ANKS6: variants seen among roughly 807,000 people sequenced by gnomAD.
ANKS6 encodes ankyrin repeat and SAM domain-containing protein 6.
A neutral mutation model predicts 77.9 loss-of-function variants in ANKS6; 47 were observed. The observed-to-expected ratio is 0.60, with a 90% CI of 0.48 to 0.77. The LOEUF is 0.77. ANKS6 is among the 30% of genes least tolerant of loss of function. The pLI, the probability that ANKS6 is intolerant of heterozygous loss-of-function variation, is 0.00. For synonymous variants in ANKS6, 488 were observed against 501.7 expected (o/e 0.97, Z 0.37); for missense variants, 1,150 against 1,159.1 (o/e 0.99, Z 0.11).
intron 14 of ANKS6, among the ~76,000 whole-genome samples, chr9:98,745,111 GACT>G (rs1832048191): frequency 3.9e-5 from 6 of 152,218 alleles, no homozygotes; most frequent in Admixed American, 3.3e-4. Context: ...CGACAATAGT[GACT>G]GACGGCTCTC....
At position 98,751,201 on chromosome 9, in the gene ANKS6, A is replaced by C. The variant is rs79497996; in HGVS notation, c.2327-105T>G. On this transcript the variant is annotated intron_variant, in intron 12 of 14. Coordinates refer to ENST00000353234, the MANE Select transcript of ANKS6 (RefSeq NM_173551.5). ...GTAATCTTATTTCAAATGAAATTCT[A>C]TAAGAAACACCAACACAGAAAGCTG... 8.7e-6 allele frequency: 8 copies of C among 923,278 alleles called. No individual in the cohort carries two copies. The East Asian group carries it at 2.0e-4, about 23-fold the overall frequency. 57.2% of individuals were successfully genotyped at this position (923,278 alleles called of 1,614,324 possible). A position where few individuals can be genotyped will look rare whatever the true frequency, so the allele number is the denominator to read the frequency against.
intron 1 of ANKS6, among the ~76,000 whole-genome samples, chr9:98,794,138 G>A (rs1376364463): frequency 2.0e-5 from 2 of 99,586 alleles, no homozygotes; most frequent in Non-Finnish European, 3.7e-5. Context: ...GACAGAGCGA[G>A]ACTCCGTCTC....
At position 98,790,365 on chromosome 9, in the gene ANKS6, G is replaced by A. The variant is rs1287031231; in HGVS notation, c.601C>T (p.His201Tyr). 1.2e-6 allele frequency: 2 copies of A among 1,613,528 alleles called. No individual in the cohort carries two copies. ...DITALMAAIQ[H>Y]GHEAVVRLLM... ...AGACGCACCACGGCCTCGTGCCCGT[G>A]CTGGATGGCAGCCATCAGGGCTGTG... is the stretch of plus-strand genomic sequence containing the variant. The change falls in exon 2 of 15, where the codon CAC becomes TAC. Residue 201 changes from histidine (H) to tyrosine (Y), a missense_variant. His to Tyr is a moderately conservative substitution (Grantham distance 83). Coordinates refer to ENST00000353234, the MANE Select transcript of ANKS6 (RefSeq NM_173551.5).
chr9:98,745,307 G>A lies in ANKS6; in HGVS notation c.2511+252C>T, dbSNP rs532629476. 4.6e-3 allele frequency among the ~76,000 whole-genome samples: 707 copies of A among 152,312 alleles called. 10 individuals are homozygous for A. The highest frequency in any genetic ancestry group is 0.016 in the African/African-American group (659 of 41,574). On this transcript the variant is annotated intron_variant, in intron 14 of 14. Coordinates refer to ENST00000353234, the MANE Select transcript of ANKS6 (RefSeq NM_173551.5). ...CAGGGCCTGTTTGAGCCAAAGGCTCGAAGGCTCTGCTTTCACAGTGCTCCC... is the reference window on the plus strand; with the variant it reads ...CAGGGCCTGTTTGAGCCAAAGGCTCAAAGGCTCTGCTTTCACAGTGCTCCC...
Position 98,780,249 on chromosome 9 carries a change from G to C in ANKS6, c.1308C>G (p.His436Gln). ...GRPSHQPPLPHSKVRQPWSIP... is the reference protein window; with the variant it reads ...GRPSHQPPLPQSKVRQPWSIP... Reference sequence around the variant, plus strand: ...TGCTCCAGGGCTGTCGGACCTTCGAGTGGGGCAGGGGAGGCTGGTGGCTCG... The same window carrying C: ...TGCTCCAGGGCTGTCGGACCTTCGACTGGGGCAGGGGAGGCTGGTGGCTCG... Residue 436 changes from histidine to glutamine, a missense_variant, in exon 6 of 15, where the codon CAC becomes CAG. Transcript: ENST00000353234. 6.2e-7 allele frequency: 1 copy of C among 1,613,992 alleles called. No homozygotes were observed. The highest frequency in any genetic ancestry group is 8.5e-7 in the Non-Finnish European group (1 of 1,179,988).
intron 2 of ANKS6, among the ~76,000 whole-genome samples, chr9:98,787,408 C>T (rs187776099): frequency 6.6e-6 from 1 of 151,442 alleles, no homozygotes; most frequent in East Asian, 1.9e-4. Context: ...GCACTTACCA[C>T]CTATCCTACT....
chr9:98,738,540 C>T (rs190484018), intron 14 of ANKS6, among the ~76,000 whole-genome samples: 12 of 151,182 alleles, frequency 7.9e-5, no homozygotes, highest in African/African-American at 2.7e-4. Context: ...AATGTGGTAC[C>T]ACCTTACTCC....
At chr9:98,777,299 C>T in intron 8 of ANKS6, 106 bp downstream of exon 8, 1 of 1,242,508 alleles carries the variant, frequency 8.0e-7, no homozygotes, top group African/African-American at 1.5e-5. Context: ...CCAACCCTAT[C>T]TGTGACCACT....
Position 98,777,388 on chromosome 9 carries a change from A to G in ANKS6, c.1617+17T>C, listed in dbSNP as rs767371665. The G allele has an allele frequency of 1.2e-5, 19 of 1,613,746 alleles. No homozygotes were observed. In the East Asian group the frequency reaches 3.3e-4, roughly 28 times the overall value. ...TGCCGGAGACCTAAAATGCTTTTAG[A>G]AAAGCCCCACACTCACCATGGTTGT... is the stretch of plus-strand genomic sequence containing the variant. On this transcript the variant is annotated intron_variant, in intron 8 of 14. Transcript: ENST00000353234.
At chr9:98,787,026 G>A (rs1014415336) in intron 2 of ANKS6, among the ~76,000 whole-genome samples, 5 of 152,196 alleles carry the variant, frequency 3.3e-5, no homozygotes, top group African/African-American at 1.2e-4. Flanking sequence ...CCTCAGTGGG[G>A]AGTCAGAGGT....
In ANKS6 at chr9:98,732,896, G is replaced by A. The variant is rs1261131063; in HGVS notation, c.*3623C>T. 9.9e-6 allele frequency: 11 copies of A among 1,109,294 alleles called. No homozygotes were observed. The highest frequency in any genetic ancestry group is 5.4e-5 in the South Asian group (2 of 37,254). The allele number at this position is 1,109,294 out of a possible 1,614,324, so 68.7% of individuals were successfully genotyped here. On this transcript the variant is annotated 3_prime_UTR_variant, in exon 15 of 15. Transcript: ENST00000353234. ...TGACGATCTAGAACTTACACATTAC[G>A]TGCTGCCTTTGCACATGCCCCAGCT...
Position 98,737,158 on chromosome 9 carries a change from G to A in ANKS6, c.2512-535C>T, listed in dbSNP as rs576406704. Among the ~76,000 whole-genome samples, 3 of 152,280 alleles carry A rather than the reference G, an allele frequency of 2.0e-5. No individual in the cohort carries two copies. In the South Asian group the frequency reaches 6.2e-4, roughly 32 times the overall value. On this transcript the variant is annotated intron_variant, in intron 14 of 14. Transcript: ENST00000353234. ...ACACATTTTCAGATGAGAAAAGAGG[G>A]TGGATGTGAATGTTCTGTTAAGCCC...
chr9:98,742,115 G>A (rs1237476591), intron 14 of ANKS6, among the ~76,000 whole-genome samples: 3 of 152,182 alleles, frequency 2.0e-5, no homozygotes, highest in East Asian at 1.9e-4. Context: ...GGGCCTCCCC[G>A]TCTCATGTGT....
intron 14 of ANKS6, 117 bp downstream of exon 14, chr9:98,745,442 G>A: frequency 1.1e-6 from 1 of 922,384 alleles, no homozygotes; most frequent in South Asian, 1.5e-5. Context: ...ATGCTGGGAG[G>A]TAGTGAGTGC....
In ANKS6 at chr9:98,773,900, C is replaced by A; in HGVS notation, c.1798G>T (p.Val600Leu). 1 of 1,572,778 alleles carries A rather than the reference C, an allele frequency of 6.4e-7. No homozygotes were observed. Among genetic ancestry groups the A allele is most frequent in the Non-Finnish European group, 8.6e-7 (1 of 1,165,082 alleles). ...LPQRASRGHP[V>L]GGGGTDTTPV... Reference sequence around the variant, plus strand: ...ACAGTGTCTGTGCCCCCGCCGCCCACGGGGTGGCCCCTGCTGGCTCTCTGG... The same window carrying A: ...ACAGTGTCTGTGCCCCCGCCGCCCAAGGGGTGGCCCCTGCTGGCTCTCTGG... Residue 600 changes from valine to leucine, a missense_variant, in exon 9 of 15, where the codon GTG (valine) becomes TTG (leucine). Physicochemically the swap from Val to Leu is conservative, Grantham distance 32. Transcript: ENST00000353234.
intron 10 of ANKS6, 131 bp from the exon 11 acceptor site, chr9:98,768,381 CAGG>C: frequency 9.2e-7 from 1 of 1,081,412 alleles, no homozygotes. Context: ...GGCTCCAGGA[CAGG>C]ACTGACCACA....
chr9:98,777,301 G>T, intron 8 of ANKS6, 104 bp downstream of exon 8: 1 of 1,266,588 alleles, frequency 7.9e-7, no homozygotes, highest in Non-Finnish European at 1.1e-6. Context: ...AACCCTATCT[G>T]TGACCACTAC....
In ANKS6 at chr9:98,736,502, G is replaced by C. The variant is rs373305795; in HGVS notation, c.*17C>G. 6.3e-7 allele frequency: 1 copy of C among 1,598,052 alleles called. No individual in the cohort carries two copies. The highest frequency in any genetic ancestry group is 1.3e-5 in the African/African-American group (1 of 74,604). ...CGGGATTCAGAGAGCTCACGCTGGTGGCTGCGGGAAGGAGGATCACGCACA... is the reference window on the plus strand; with the variant it reads ...CGGGATTCAGAGAGCTCACGCTGGTCGCTGCGGGAAGGAGGATCACGCACA... On this transcript the variant is annotated 3_prime_UTR_variant, in exon 15 of 15. Transcript: ENST00000353234.
At chr9:98,749,103 A>G (rs113642566) in intron 13 of ANKS6, among the ~76,000 whole-genome samples, 3 of 152,212 alleles carry the variant, frequency 2.0e-5, no homozygotes, top group Non-Finnish European at 4.4e-5. Flanking sequence ...TTGTGGGTCC[A>G]TATAGAGAGT....
Sources: allele counts gnomAD v4.1 joint callset (sites outside exome capture counted in the v4.1 genomes callset), GRCh38; gene constraint gnomAD v4.1.1; transcripts MANE v1.5; gene names NCBI Gene and HGNC (gene_info 2026-07-23, HGNC 2026-07-21).